Variants in BEST3 observed in about 807,000 individuals in gnomAD.
BEST3 encodes bestrophin-3.
Under a neutral mutation model 47.1 loss-of-function variants are expected in BEST3, and 50 were observed. The observed-to-expected ratio is 1.06, with a 90% CI of 0.85 to 1.34. The LOEUF (loss-of-function observed/expected upper bound fraction) is 1.34. Among genes scored for constraint, BEST3 ranks in the 40% most tolerant of loss-of-function variants. BEST3 has a pLI of 0.00. For synonymous variants in BEST3, 282 were observed against 298.8 expected, an observed-to-expected ratio of 0.94 and a Z score of 0.58; for missense variants, 765 against 817.0, an observed-to-expected ratio of 0.94 and a Z score of 0.78.
intron 1 of BEST3, 94 bp from the exon 2 acceptor site, chr12:69,697,907 C>T (rs1028315351): frequency 7.2e-6 from 7 of 973,262 alleles, no homozygotes; most frequent in Admixed American, 2.8e-5. Flanking sequence ...TTCAAGCCAG[C>T]AACTAGTCAG....
intron 4 of BEST3, among the ~76,000 whole-genome samples, chr12:69,688,665 C>T (rs116338539): frequency 2.0e-5 from 3 of 152,192 alleles, no homozygotes; most frequent in Non-Finnish European, 4.4e-5. Flanking sequence ...TGCTGGTCCT[C>T]ACTCTTGGCC....
intron 4 of BEST3, among the ~76,000 whole-genome samples, chr12:69,685,253 A>G (rs185104754): frequency 1.3e-5 from 2 of 152,298 alleles, no homozygotes; most frequent in Admixed American, 1.3e-4. Flanking sequence ...TTGTCCATAA[A>G]TTAGTATCCC....
At chr12:69,686,571 A>C (rs1285960242) in intron 4 of BEST3, among the ~76,000 whole-genome samples, 2 of 152,068 alleles carry the variant, frequency 1.3e-5, no homozygotes, top group Non-Finnish European at 1.5e-5. Context: ...CAGGAGTTCG[A>C]GACCAGCCTG....
intron 4 of BEST3, among the ~76,000 whole-genome samples, chr12:69,685,968 G>A (rs989162212): frequency 6.6e-6 from 1 of 152,128 alleles, no homozygotes; most frequent in Non-Finnish European, 1.5e-5. Flanking sequence ...ACTACACATA[G>A]GTGAGTCAAG....
chr12:69,686,361 A>G (rs1166337849), intron 4 of BEST3, among the ~76,000 whole-genome samples: 2 of 152,218 alleles, frequency 1.3e-5, no homozygotes, highest in Non-Finnish European at 2.9e-5. Context: ...TGGTTCTAAC[A>G]GTATTAATTC....
chr12:69,655,205 C>T lies in BEST3; in HGVS notation c.1709G>A (p.Ser570Asn). The T allele has an allele frequency of 1.9e-6, 3 of 1,614,124 alleles. No individual in the cohort carries two copies. The highest frequency in any genetic ancestry group is 2.5e-6 in the Non-Finnish European group (3 of 1,180,020). Residue 570 changes from serine (S) to asparagine (N), a missense_variant, in exon 10 of 10, where the codon AGC becomes AAC. Coordinates refer to ENST00000330891, the MANE Select transcript of BEST3 (RefSeq NM_032735.3). ...ACAGTTGAATATATTTTCCTCAGCG[C>T]TGGCTGAAACTGTCTGGGGACTGGG... ...GGPSPQTVSA[S>N]AEENIFNCEE...
chr12:69,673,354 A>C (rs1302195918), intron 7 of BEST3, among the ~76,000 whole-genome samples: 1 of 152,238 alleles, frequency 6.6e-6, no homozygotes, highest in East Asian at 1.9e-4. Context: ...GATAAGACAA[A>C]ATGTACACAG....
At chr12:69,680,516 G>T (rs1267511213) in intron 4 of BEST3, among the ~76,000 whole-genome samples, 2 of 151,622 alleles carry the variant, frequency 1.3e-5, no homozygotes. Flanking sequence ...CACCATGTTA[G>T]CCAGGATGTC....
In BEST3 at chr12:69,684,892, G is replaced by A. The variant is rs367783928; in HGVS notation, c.482-5999C>T. 5.2e-4 allele frequency among the ~76,000 whole-genome samples: 79 copies of A among 152,188 alleles called. 1 individual carries two copies. In the South Asian group the frequency reaches 0.012, roughly 23 times the overall value. On this transcript the variant is annotated intron_variant, in intron 4 of 9. Transcript: ENST00000330891. ...GGCAGGATGTCAACCAGGTTTTTTCGTTTGTTTGTTTTTTTACCATAAACC... is the reference window on the plus strand; with the variant it reads ...GGCAGGATGTCAACCAGGTTTTTTCATTTGTTTGTTTTTTTACCATAAACC...
chr12:69,649,951 C>G (rs1355597299), downstream of BEST3, among the ~76,000 whole-genome samples: 1 of 152,196 alleles, frequency 6.6e-6, no homozygotes, highest in Non-Finnish European at 1.5e-5. Flanking sequence ...ATTAGAAGAT[C>G]AGAGATGATT....
Position 69,678,831 on chromosome 12 carries a change from AATATTTC to A in BEST3, c.537_543del (p.Lys180GlyfsTer29). 1 of 1,613,894 alleles carries A rather than the reference AATATTTC, an allele frequency of 6.2e-7. No individual in the cohort carries two copies. The highest frequency in any genetic ancestry group is 8.5e-7 in the Non-Finnish European group (1 of 1,179,780). On this transcript the variant is annotated frameshift_variant, in exon 5 of 10. Transcript: ENST00000330891. LOFTEE classifies it high-confidence loss of function. ...TTTCCAAACCAGATGAATGGAACCC[AATATTTC>A]AGATGAGGAGACTTGAGGTGGTTGA... is the stretch of plus-strand genomic sequence containing the variant.
In BEST3 at chr12:69,655,648, C is replaced by T. The variant is rs1193909997; in HGVS notation, c.1266G>A (p.Met422Ile). Residue 422 changes from methionine (M) to isoleucine (I), a missense_variant, in exon 10 of 10, where the codon ATG (methionine) becomes ATA (isoleucine). Transcript: ENST00000330891. ...GGCTGAGGTCATCTCGGGGTAAGAA[C>T]ATGGAGCTGTCACTTGTCTGCCTCC... ...SYRRQTSDSS[M>I]FLPRDDLSPA... 1.2e-6 allele frequency: 2 copies of T among 1,613,842 alleles called. No homozygotes were observed. Among genetic ancestry groups the T allele is most frequent in the African/African-American group, 1.3e-5 (1 of 74,878 alleles).
In BEST3 at chr12:69,678,756, G is replaced by T. The variant is rs770670327; in HGVS notation, c.619C>A (p.Leu207Met). The T allele has an allele frequency of 1.9e-6, 3 of 1,613,884 alleles. No homozygotes were observed. The highest frequency in any genetic ancestry group is 2.5e-6 in the Non-Finnish European group (3 of 1,179,968). ...NEGRIRDSVD[L>M]QSLMTEMNRY... ...ATACTTACAGTCATCAATGATTGCA[G>T]ATCAACACTGTCTCTGATTCTACCT... The change falls in exon 5 of 10, where the codon CTG (leucine) becomes ATG (methionine). Residue 207 changes from leucine to methionine, a missense_variant. Coordinates refer to ENST00000330891, the MANE Select transcript of BEST3 (RefSeq NM_032735.3).
chr12:69,676,753 C>T (rs964189953), intron 7 of BEST3, among the ~76,000 whole-genome samples, 163 bp downstream of exon 7: 29 of 152,220 alleles, frequency 1.9e-4, no homozygotes, highest in Non-Finnish European at 8.8e-5. Flanking sequence ...TCACTTGAAT[C>T]TCTGAATCTC....
intron 5 of BEST3, among the ~76,000 whole-genome samples, chr12:69,678,191 A>T (rs1737519713): frequency 6.6e-6 from 1 of 151,948 alleles, no homozygotes; most frequent in Non-Finnish European, 1.5e-5. Context: ...AGCCTAATCC[A>T]GGGAGGGGAC....
chr12:69,694,659 G>A (rs2136048086), intron 2 of BEST3, among the ~76,000 whole-genome samples, 195 bp from the exon 3 acceptor site: 1 of 152,110 alleles, frequency 6.6e-6, no homozygotes, highest in Non-Finnish European at 1.5e-5. Flanking sequence ...CTAACATTTT[G>A]TAAACATGAT....
chr12:69,687,785 TAG>T (rs1388823978), intron 4 of BEST3, among the ~76,000 whole-genome samples: 1 of 152,198 alleles, frequency 6.6e-6, no homozygotes, highest in Non-Finnish European at 1.5e-5. Flanking sequence ...CTATTTATTT[TAG>T]AGAGAGAGAA....
In BEST3 at chr12:69,654,796, A is replaced by C; in HGVS notation, c.*111T>G. Reference sequence around the variant, plus strand: ...AGTTCTAAGTAGCTTATACAGTGTGATCATGTTTTTTAAAAAGTCGACCAG... The same window carrying C: ...AGTTCTAAGTAGCTTATACAGTGTGCTCATGTTTTTTAAAAAGTCGACCAG... On this transcript the variant is annotated 3_prime_UTR_variant, in exon 10 of 10. Coordinates refer to ENST00000330891, the MANE Select transcript of BEST3 (RefSeq NM_032735.3). 1 of 1,471,448 alleles carries C rather than the reference A, an allele frequency of 6.8e-7. No homozygotes were observed. 91.1% of individuals were successfully genotyped at this position (1,471,448 alleles called of 1,614,324 possible). A position where few individuals can be genotyped will look rare whatever the true frequency, so the allele number is the denominator to read the frequency against.
At chr12:69,661,173 T>C (rs1357307404) in intron 9 of BEST3, 1 of 152,150 alleles carries the variant, frequency 6.6e-6, no homozygotes, top group African/African-American at 2.4e-5. Context: ...AATGCATTTC[T>C]CCAAAGAAAG....
Sources: allele counts gnomAD v4.1 joint callset (sites outside exome capture counted in the v4.1 genomes callset), GRCh38; gene constraint gnomAD v4.1.1; transcripts MANE v1.5; gene names NCBI Gene and HGNC (gene_info 2026-07-23, HGNC 2026-07-21).